The following CDK14 variants were observed in gnomAD, a reference collection of about 807,000 sequenced individuals.
The protein encoded by CDK14 is cyclin dependent kinase 14.
Under a neutral mutation model 60.7 loss-of-function variants are expected in CDK14, and 34 were observed. The ratio of observed to expected loss-of-function variants is 0.56; its 90% CI spans 0.43 to 0.75. The LOEUF is 0.75. Among genes scored for constraint, CDK14 ranks in the 30% least tolerant of loss-of-function variants. The probability of loss-of-function intolerance (pLI) is 0.00; values close to 1 mark genes in which losing one functional copy is unlikely to be tolerated. For synonymous variants in CDK14, 197 were observed against 203.7 expected (o/e 0.97, Z 0.28); for missense variants, 482 against 564.1 (o/e 0.85, Z 1.47).
At chr7:90,891,132 A>T (rs1262970387) in intron 6 of CDK14, among the ~76,000 whole-genome samples, 1 of 152,130 alleles carries the variant, frequency 6.6e-6, no homozygotes, top group Non-Finnish European at 1.5e-5. Flanking sequence ...GAAAAATAGA[A>T]ATTATTGCCC....
chr7:90,831,279 G>T (rs2117111427), intron 5 of CDK14, among the ~76,000 whole-genome samples: 1 of 152,312 alleles, frequency 6.6e-6, no homozygotes, highest in African/African-American at 2.4e-5. Context: ...CATTGCAGAA[G>T]GTGAAGGGGA....
chr7:90,782,097 C>A (rs936653777), intron 4 of CDK14, among the ~76,000 whole-genome samples: 1 of 151,956 alleles, frequency 6.6e-6, no homozygotes, highest in African/African-American at 2.4e-5. Flanking sequence ...TTTCATTGAG[C>A]AGTGGTTTGT....
chr7:90,817,470 A>G (rs1789394364), intron 5 of CDK14, among the ~76,000 whole-genome samples: 2 of 152,224 alleles, frequency 1.3e-5, no homozygotes, highest in Non-Finnish European at 2.9e-5. Flanking sequence ...TCAGACTGGA[A>G]TGGGCAGGAA....
At chr7:91,068,639 A>G (rs901847826) in intron 11 of CDK14, among the ~76,000 whole-genome samples, 2 of 151,688 alleles carry the variant, frequency 1.3e-5, no homozygotes, top group Non-Finnish European at 2.9e-5. Context: ...TCATCCTCCA[A>G]AGCATTTTCC....
intron 14 of CDK14, among the ~76,000 whole-genome samples, chr7:91,138,147 G>A (rs901450858): frequency 6.6e-6 from 1 of 152,170 alleles, no homozygotes; most frequent in Non-Finnish European, 1.5e-5. Context: ...CTTCAGCCAT[G>A]GTTCAATAAT....
At chr7:90,642,755 T>C (rs1384160350) in intron 2 of CDK14, among the ~76,000 whole-genome samples, 1 of 152,126 alleles carries the variant, frequency 6.6e-6, no homozygotes, top group Non-Finnish European at 1.5e-5. Context: ...ATTTTTCTCA[T>C]TTACATTTTT....
At chr7:90,904,795 C>T (rs1792639457) in intron 7 of CDK14, among the ~76,000 whole-genome samples, 1 of 151,824 alleles carries the variant, frequency 6.6e-6, no homozygotes, top group Non-Finnish European at 1.5e-5. Flanking sequence ...ACACTGGGTT[C>T]AAAGAAAAAT....
intron 14 of CDK14, among the ~76,000 whole-genome samples, chr7:91,190,025 C>A (rs1319111272): frequency 2.6e-5 from 4 of 152,172 alleles, no homozygotes; most frequent in Non-Finnish European, 5.9e-5. Flanking sequence ...TTTTCAAGAA[C>A]AGATACATTG....
chr7:90,818,818 A>G (rs1410159366), intron 5 of CDK14, among the ~76,000 whole-genome samples: 2 of 152,150 alleles, frequency 1.3e-5, no homozygotes, highest in African/African-American at 4.8e-5. Context: ...TCAGTAAAAC[A>G]AAATCTTAAA....
chr7:90,803,697 G>C (rs1372431867), intron 5 of CDK14, among the ~76,000 whole-genome samples: 1 of 152,162 alleles, frequency 6.6e-6, no homozygotes, highest in Non-Finnish European at 1.5e-5. Flanking sequence ...ACAGGTGTTT[G>C]TTGTATCTAA....
intron 14 of CDK14, among the ~76,000 whole-genome samples, chr7:91,166,903 C>T (rs1032457796): frequency 1.2e-4 from 19 of 152,200 alleles, no homozygotes; most frequent in Non-Finnish European, 2.5e-4. Flanking sequence ...CCCAGGCCCT[C>T]ACTTCATTTG....
intron 2 of CDK14, among the ~76,000 whole-genome samples, chr7:90,673,019 T>C (rs917100400): frequency 2.6e-5 from 4 of 152,180 alleles, no homozygotes; most frequent in Non-Finnish European, 5.9e-5. Flanking sequence ...TTTTTTCTTT[T>C]AACATAGAAC....
intron 9 of CDK14, among the ~76,000 whole-genome samples, chr7:90,980,418 T>C (rs1256471696): frequency 6.6e-6 from 1 of 152,008 alleles, no homozygotes; most frequent in Non-Finnish European, 1.5e-5. Context: ...AGCAGATGAA[T>C]TTTTTTTCTC....
At chr7:90,935,916 G>A (rs1274105090) in intron 8 of CDK14, among the ~76,000 whole-genome samples, 1 of 151,932 alleles carries the variant, frequency 6.6e-6, no homozygotes, top group Non-Finnish European at 1.5e-5. Flanking sequence ...ATGTGGTGAC[G>A]TGCAGCTGAG....
chr7:90,708,862 T>G (rs1173428035), intron 2 of CDK14, among the ~76,000 whole-genome samples: 1 of 152,158 alleles, frequency 6.6e-6, no homozygotes, highest in African/African-American at 2.4e-5. Flanking sequence ...CTTAATCTAA[T>G]TTATGTCCTT....
intron 9 of CDK14, among the ~76,000 whole-genome samples, chr7:90,959,752 G>C (rs1238685869): frequency 1.3e-5 from 2 of 152,182 alleles, no homozygotes; most frequent in East Asian, 3.9e-4. Context: ...AGCTGGCCGT[G>C]TTACGATTTC....
intron 9 of CDK14, among the ~76,000 whole-genome samples, chr7:90,970,001 C>G (rs1397359785): frequency 6.9e-6 from 1 of 145,170 alleles, no homozygotes; most frequent in Non-Finnish European, 1.5e-5. Context: ...GAGTCTCACT[C>G]TGTCGCCCAG....
intron 10 of CDK14, among the ~76,000 whole-genome samples, chr7:90,993,352 A>G (rs541773122): frequency 6.6e-6 from 1 of 152,298 alleles, no homozygotes; most frequent in South Asian, 2.1e-4. Flanking sequence ...CATATATTTT[A>G]TAATCTAAGT....
At chr7:90,963,497 TTGTAAGTTG>T (rs1178893717) in intron 9 of CDK14, among the ~76,000 whole-genome samples, 1 of 152,068 alleles carries the variant, frequency 6.6e-6, no homozygotes. Flanking sequence ...TGCTTTCGTG[TTGTAAGTTG>T]TGTATTTATT....
Sources: allele counts gnomAD v4.1 joint callset (sites outside exome capture counted in the v4.1 genomes callset), GRCh38; gene constraint gnomAD v4.1.1; transcripts MANE v1.5; gene names NCBI Gene and HGNC (gene_info 2026-07-23, HGNC 2026-07-21).